IRAK1: variants seen among roughly 807,000 people sequenced by gnomAD.
IRAK1 encodes the protein interleukin 1 receptor associated kinase 1.
IRAK1 carries 9 observed loss-of-function variants against 49.8 expected under a neutral mutation model. That is an observed-to-expected ratio of 0.18 (90% CI 0.11 to 0.32). The LOEUF (loss-of-function observed/expected upper bound fraction) is 0.32. Among genes scored for constraint, IRAK1 ranks in the 10% least tolerant of loss-of-function variants. IRAK1 has a pLI of 1.00. For missense variants in IRAK1, 418 were observed against 600.5 expected (o/e 0.70, Z 3.18); for synonymous variants, 282 against 270.8 (o/e 1.04, Z -0.41).
chrX:154,016,695 C>G, intron 8 of IRAK1, 51 bp from the exon 9 acceptor site: 1 of 1,054,510 alleles, frequency 9.5e-7, no homozygotes, highest in South Asian at 2.0e-5. Context: ...CCTACACCTG[C>G]CCGGCTTAGA....
In IRAK1 at chrX:154,011,650, G is replaced by A. The variant is rs1196366356; in HGVS notation, c.*209C>T. 2.0e-6 allele frequency: 1 copy of A among 494,741 alleles called. No homozygotes were observed. The highest frequency in any genetic ancestry group is 3.7e-5 in the East Asian group (1 of 26,991). 40.8% of individuals were successfully genotyped at this position (494,741 alleles called of 1,213,427 possible). On this transcript the variant is annotated 3_prime_UTR_variant, in exon 14 of 14. Coordinates refer to ENST00000369980, the MANE Select transcript of IRAK1 (RefSeq NM_001569.4). Reference sequence around the variant, plus strand: ...TCACTGGATGATGCCAGCCTTCCTTGCCCCCAGATGCTGGCATGGAGGCAG... The same window carrying A: ...TCACTGGATGATGCCAGCCTTCCTTACCCCCAGATGCTGGCATGGAGGCAG...
Position 154,018,736 on chromosome X carries a change from A to C in IRAK1, c.592T>G (p.Phe198Val). 1 of 1,014,284 alleles carries C rather than the reference A, an allele frequency of 9.9e-7. No individual in the cohort carries two copies. The highest frequency in any genetic ancestry group is 1.4e-6 in the Non-Finnish European group (1 of 715,931). 83.6% of individuals were successfully genotyped at this position (1,014,284 alleles called of 1,213,427 possible). ...GAAATCTCACAGAGGGGCCAGCAAA[A>C]CGGAAAGGGGCGGGCTCCCTGCAGG... ...SLLQGARPFP[F>V]CWPLCEISRG... Residue 198 changes from phenylalanine (F) to valine (V), a missense_variant, in exon 5 of 14, where the codon TTT (phenylalanine) becomes GTT (valine). Around this residue, in one of 3 missense-constraint regions of IRAK1, gnomAD observed 377 missense variants for 499.5 expected, o/e 0.75. Coordinates refer to ENST00000369980, the MANE Select transcript of IRAK1 (RefSeq NM_001569.4).
rs1603303164 is a variant in IRAK1, at chrX:154,011,198, C to T, written c.*661G>A. On this transcript the variant is annotated 3_prime_UTR_variant, in exon 14 of 14. Coordinates refer to ENST00000369980, the MANE Select transcript of IRAK1 (RefSeq NM_001569.4). The stretch of plus-strand genomic sequence containing the variant: ...CTCCCAAGCATAAATGATCCTCCTA[C>T]TTCAGCCTCCCCAGCAGCTGGGACC... 2 of 306,739 alleles carry T rather than the reference C, an allele frequency of 6.5e-6. No homozygotes were observed. Among genetic ancestry groups the T allele is most frequent in the East Asian group, 2.0e-4 (2 of 10,038 alleles). 25.3% of individuals were successfully genotyped at this position (306,739 alleles called of 1,213,427 possible).
At chrX:154,012,851 G>A (rs1022757921) in intron 12 of IRAK1, among the ~76,000 whole-genome samples, 173 bp from the exon 13 acceptor site, 7 of 112,697 alleles carry the variant, frequency 6.2e-5, no homozygotes, top group Admixed American at 2.8e-4. Flanking sequence ...GGAATGGGGT[G>A]GGGGGAGGGC....
intron 12 of IRAK1, 142 bp downstream of exon 12, chrX:154,012,901 A>G: frequency 2.5e-6 from 2 of 810,271 alleles, no homozygotes; most frequent in Non-Finnish European, 3.4e-6. Flanking sequence ...TGGCCTGGGG[A>G]GGGGAAACCA....
rs868958592 is a variant in IRAK1 at position 154,016,084 on chromosome X, G to T, written c.1250C>A (p.Thr417Asn). Reference sequence around the variant, plus strand: ...CTTCACAGCCCTCTGACCAGCCAAGGTCTCTAGCACTACCTGGAGAGAGGG... The same window carrying T: ...CTTCACAGCCCTCTGACCAGCCAAGTTCTCTAGCACTACCTGGAGAGAGGG... ...TFSFGVVVLE[T>N]LAGQRAVKTH... The change falls in exon 10 of 14, where the codon ACC becomes AAC. Residue 417 changes from threonine (T) to asparagine (N), a missense_variant. By Grantham distance (65) the Thr-to-Asn change is moderately conservative. Transcript: ENST00000369980. 5 of 1,207,285 alleles carry T rather than the reference G, an allele frequency of 4.1e-6. No individual in the cohort carries two copies. The highest frequency in any genetic ancestry group is 4.4e-5 in the Admixed American group (2 of 45,913).
chrX:154,019,084 T>C lies in IRAK1; in HGVS notation c.437-6A>G. ...GGTCTGGGAGCCTGGAAAAGCTTCA[T>C]AAAGACACCAGTGAGAGGCAGGCAG... is the stretch of plus-strand genomic sequence containing the variant. On this transcript the variant is annotated splice_polypyrimidine_tract_variant and splice_region_variant and intron_variant, in intron 3 of 13. Transcript: ENST00000369980. 8.3e-7 allele frequency: 1 copy of C among 1,206,871 alleles called. No homozygotes were observed. The highest frequency in any genetic ancestry group is 1.1e-6 in the Non-Finnish European group (1 of 891,167).
rs2065692704 is a variant in IRAK1 at position 154,010,874 on chromosome X, G to A, written c.*985C>T. 6.1e-6 allele frequency: 2 copies of A among 326,238 alleles called. No individual in the cohort carries two copies. Among genetic ancestry groups the A allele is most frequent in the East Asian group, 9.8e-5 (1 of 10,180 alleles). The allele number at this position is 326,238 out of a possible 1,213,427, so 26.9% of individuals were successfully genotyped here. A position where few individuals can be genotyped will look rare whatever the true frequency, so the allele number is the denominator to read the frequency against. ...GCCTGAGGCTGAGCTTGTGGCCTCCGAAGCCTGACCTGGCTCGGAGCTCGT... is the reference window on the plus strand; with the variant it reads ...GCCTGAGGCTGAGCTTGTGGCCTCCAAAGCCTGACCTGGCTCGGAGCTCGT... On this transcript the variant is annotated 3_prime_UTR_variant, in exon 14 of 14. Coordinates refer to ENST00000369980, the MANE Select transcript of IRAK1 (RefSeq NM_001569.4).
intron 7 of IRAK1, 68 bp downstream of exon 7, chrX:154,017,938 G>A (rs1165731173): frequency 1.1e-5 from 9 of 790,724 alleles, no homozygotes; most frequent in African/African-American, 6.2e-5. Context: ...TAGGCCCCGC[G>A]CCCGGCTCCA....
intron 13 of IRAK1, among the ~76,000 whole-genome samples, chrX:154,012,202 C>A (rs782129936): frequency 6.2e-5 from 7 of 112,847 alleles, no homozygotes; most frequent in African/African-American, 2.3e-4. Flanking sequence ...TGAGCCACCT[C>A]GCCCAGCTGA....
intron 13 of IRAK1, among the ~76,000 whole-genome samples, chrX:154,012,233 T>C (rs1224421054): frequency 1.8e-5 from 2 of 112,661 alleles, no homozygotes; most frequent in Non-Finnish European, 3.8e-5. Context: ...GCAGTGGTTC[T>C]TCAAATAGTA....
At position 154,010,722 on chromosome X, in the gene IRAK1, T is replaced by G. The variant is rs112750607; in HGVS notation, c.*1137A>C. 16 of 234,712 alleles carry G rather than the reference T, an allele frequency of 6.8e-5. 1 individual carries two copies. The highest frequency in any genetic ancestry group is 3.4e-4 in the African/African-American group (12 of 34,853). The allele number at this position is 234,712 out of a possible 1,213,427, so 19.3% of individuals were successfully genotyped here. On this transcript the variant is annotated 3_prime_UTR_variant, in exon 14 of 14. Coordinates refer to ENST00000369980, the MANE Select transcript of IRAK1 (RefSeq NM_001569.4). ...GATACATGTCTTTTCCCTGAAAATG[T>G]TTCCCTTCCCTGTCTGCCATGCTCC...
chrX:154,013,696 A>G (rs1341684907), intron 11 of IRAK1, among the ~76,000 whole-genome samples: 2 of 112,757 alleles, frequency 1.8e-5, no homozygotes, highest in Admixed American at 1.9e-4. Context: ...CTGCCCTCAA[A>G]CGGGGCCTCT....
Position 154,016,931 on chromosome X carries a change from T to C in IRAK1, c.1028+18A>G. 1 of 1,132,267 alleles carries C rather than the reference T, an allele frequency of 8.8e-7. No homozygotes were observed. 93.3% of individuals were successfully genotyped at this position (1,132,267 alleles called of 1,213,427 possible). On this transcript the variant is annotated intron_variant, in intron 8 of 13. Transcript: ENST00000369980. ...GCTGCAGGCCCTGCCCCGGCAGTTC[T>C]CAAGGGCCCCTCCTCACCTCTTGAT...
rs781895342 is a variant in IRAK1, at chrX:154,019,024, G to A, written c.491C>T (p.Pro164Leu). 1 of 1,207,952 alleles carries A rather than the reference G, an allele frequency of 8.3e-7. No individual in the cohort carries two copies. Among genetic ancestry groups the A allele is most frequent in the East Asian group, 3.0e-5 (1 of 33,742 alleles). ...TGGCGGTGGAGGCCACAGGGAAGCA[G>A]GGCTTGGGACCAGGCCGAGCTCAGG... The part of the protein sequence containing the change: ...SGPELGLVPS[P>L]ASLWPPPPSP... Residue 164 changes from proline to leucine, a missense_variant, in exon 4 of 14, where the codon CCT (proline) becomes CTT (leucine). Physicochemically the swap from Pro to Leu is moderately conservative, Grantham distance 98 (BLOSUM62 -3). Coordinates refer to ENST00000369980, the MANE Select transcript of IRAK1 (RefSeq NM_001569.4).
intron 13 of IRAK1, 72 bp from the exon 14 acceptor site, chrX:154,011,989 G>C: frequency 2.2e-6 from 2 of 905,530 alleles, no homozygotes; most frequent in Non-Finnish European, 3.2e-6. Context: ...CCTGGCTCAA[G>C]GCCTGGGCCA....
chrX:154,012,904 G>A, intron 12 of IRAK1, 139 bp downstream of exon 12: 1 of 859,014 alleles, frequency 1.2e-6, no homozygotes, highest in South Asian at 2.6e-5. Context: ...CCTGGGGAGG[G>A]GAAACCAGGG....
chrX:154,011,964 C>T (rs781977723), intron 13 of IRAK1, 47 bp from the exon 14 acceptor site: 2 of 1,094,864 alleles, frequency 1.8e-6, no homozygotes, highest in South Asian at 1.8e-5. Flanking sequence ...GGGAGGCTCC[C>T]CTACTGCCAG....
At chrX:154,019,373 G>A in intron 2 of IRAK1, 45 bp from the exon 3 acceptor site, 1 of 1,134,282 alleles carries the variant, frequency 8.8e-7, no homozygotes, top group Non-Finnish European at 1.2e-6. Flanking sequence ...CCGGGTGGGG[G>A]AGCCCCGTGG....
Sources: gnomAD v4.1 joint callset for allele counts (sites outside exome capture counted in the v4.1 genomes callset) on GRCh38, gnomAD v4.1.1 for gene constraint, gnomAD v4.1.1 regional missense constraint, MANE v1.5 for transcripts, NCBI Gene and HGNC (gene_info 2026-07-23, HGNC 2026-07-21) for gene names.